The following COL6A1 variants were observed in gnomAD, a reference collection of about 807,000 sequenced individuals.
COL6A1 encodes collagen type VI alpha 1 chain.
Under a neutral mutation model 145.6 loss-of-function variants are expected in COL6A1, and 80 were observed. The observed-to-expected ratio is 0.55, with a 90% confidence interval of 0.46 to 0.66. COL6A1 has a LOEUF of 0.66. Among genes scored for constraint, COL6A1 ranks in the 30% least tolerant of loss-of-function variants. The pLI is 0.00. For synonymous variants in COL6A1, 638 were observed against 622.8 expected, an observed-to-expected ratio of 1.02 and a Z score of -0.36; for missense variants, 1,364 against 1,473.8, an observed-to-expected ratio of 0.93 and a Z score of 1.22.
chr21:45,991,324 A>G (rs1603591385), intron 15 of COL6A1, among the ~76,000 whole-genome samples: 1 of 152,348 alleles, frequency 6.6e-6, no homozygotes, highest in East Asian at 1.9e-4. Context: ...CGCTCGGCAC[A>G]GATGGGACCC....
chr21:45,997,822 GC>G (rs2077814909), intron 22 of COL6A1, 60 bp downstream of exon 22: 1 of 1,525,488 alleles, frequency 6.6e-7, no homozygotes, highest in Non-Finnish European at 8.9e-7. Context: ...GCCCTGGGAA[GC>G]CCCAGCCCCG....
chr21:45,989,788 G>T lies in COL6A1; in HGVS notation c.930+10G>T, dbSNP rs772379034. 11 of 1,612,726 alleles carry T rather than the reference G, an allele frequency of 6.8e-6. No homozygotes were observed. The highest frequency in any genetic ancestry group is 9.3e-6 in the Non-Finnish European group (11 of 1,180,006). Reference sequence around the variant, plus strand: ...GAGCCGTGGGGAGAAGGTGAGTGAGGCTCGACCTCGGAGCTGGTCTCTCCA... The same window carrying T: ...GAGCCGTGGGGAGAAGGTGAGTGAGTCTCGACCTCGGAGCTGGTCTCTCCA... On this transcript the variant is annotated intron_variant, in intron 11 of 34. Coordinates refer to ENST00000361866, the MANE Select transcript of COL6A1 (RefSeq NM_001848.3).
chr21:45,993,171 C>T (rs2742071), intron 19 of COL6A1, among the ~76,000 whole-genome samples: 20,024 of 152,324 alleles, frequency 0.13, 1,326 homozygotes, highest in South Asian at 0.15. Context: ...GCTAGGCCTG[C>T]AGGGCGCCTG....
At position 45,994,204 on chromosome 21, in the gene COL6A1, G is replaced by A. The variant is rs946577836; in HGVS notation, c.1373G>A (p.Gly458Asp). The A allele has an allele frequency of 6.2e-7, 1 of 1,609,354 alleles. No homozygotes were observed. The highest frequency in any genetic ancestry group is 8.5e-7 in the Non-Finnish European group (1 of 1,178,498). Residue 458 changes from glycine to aspartate, a missense_variant, in exon 20 of 35, where the codon GGC (glycine) becomes GAC (aspartate). This residue lies in a region of COL6A1 where 938 missense variants were observed against 1,003.8 expected (regional missense o/e 0.93). Coordinates refer to ENST00000361866, the MANE Select transcript of COL6A1 (RefSeq NM_001848.3). The surrounding 1 kb of genome is among the most constrained non-coding windows in gnomAD (Gnocchi z 6.8). ...AGPQGDQGRE[G>D]PVGVPGDPGE... ...CCGCAGGGTGATCAGGGAAGAGAAGGCCCCGTTGGTGTCCCTGGAGACCCG... is the reference window on the plus strand; with the variant it reads ...CCGCAGGGTGATCAGGGAAGAGAAGACCCCGTTGGTGTCCCTGGAGACCCG...
intron 28 of COL6A1, 87 bp from the exon 29 acceptor site, chr21:46,000,672 G>A: frequency 6.4e-7 from 1 of 1,555,844 alleles, no homozygotes; most frequent in Non-Finnish European, 8.9e-7. Flanking sequence ...CGGGGAGGCG[G>A]GGAGGCTGCC....
chr21:45,989,099 C>G lies in COL6A1; in HGVS notation c.820C>G (p.Pro274Ala). ...DPGFEGERGK[P>A]GLPGEKGEAG... ...TGTGTTCCAGGGAGAACGAGGCAAG[C>G]CGGGGCTCCCAGGAGAGAAGGGAGA... The change falls in exon 9 of 35, where the codon CCG (proline) becomes GCG (alanine). Residue 274 changes from proline to alanine, a missense_variant. Physicochemically the swap from Pro to Ala is conservative, Grantham distance 27 (BLOSUM62 -1). Around this residue, in one of 3 missense-constraint regions of COL6A1, gnomAD observed 414 missense variants for 437.6 expected, o/e 0.95. Transcript: ENST00000361866. 2 of 1,611,468 alleles carry G rather than the reference C, an allele frequency of 1.2e-6. No homozygotes were observed. Among genetic ancestry groups the G allele is most frequent in the Non-Finnish European group, 1.7e-6 (2 of 1,179,026 alleles).
At position 46,000,651 on chromosome 21, in the gene COL6A1, AGGAGGGCGGCCGGGGAG is replaced by A. The variant is rs58200969; in HGVS notation, c.1814-106_1814-90del. On this transcript the variant is annotated intron_variant, in intron 28 of 34. Coordinates refer to ENST00000361866, the MANE Select transcript of COL6A1 (RefSeq NM_001848.3). ...GCCGGGGAAGGGGGGAGGCCGGGGA[AGGAGGGCGGCCGGGGAG>A]GCGGGGAGGCTGCCCCAAGAGTAAA... 0.85 allele frequency: 1,344,505 copies of A among 1,572,614 alleles called. 575,592 individuals carry two copies. The highest frequency in any genetic ancestry group is 0.91 in the Admixed American group (54,302 of 59,786).
intron 2 of COL6A1, among the ~76,000 whole-genome samples, chr21:45,983,233 C>A (rs1283009407): frequency 3.9e-5 from 6 of 152,162 alleles, no homozygotes; most frequent in African/African-American, 1.4e-4. Flanking sequence ...GTCCCCGACT[C>A]GGGAGCCAGG....
At chr21:45,990,878 C>T (rs1384640470) in intron 14 of COL6A1, 52 bp downstream of exon 14, 2 of 1,609,790 alleles carry the variant, frequency 1.2e-6, no homozygotes, top group South Asian at 1.1e-5. Context: ...TCAGCAGCAC[C>T]TCGTGTGGAC....
chr21:45,998,618 C>T (rs558881210), intron 24 of COL6A1, among the ~76,000 whole-genome samples, 185 bp downstream of exon 24: 2 of 152,178 alleles, frequency 1.3e-5, no homozygotes, highest in African/African-American at 2.4e-5. Context: ...GCAGGCCCTG[C>T]GAGGCTCCCA....
Position 46,000,319 on chromosome 21 carries a change from C to T in COL6A1, c.1777-12C>T. 6.2e-7 allele frequency: 1 copy of T among 1,613,936 alleles called. No homozygotes were observed. Among genetic ancestry groups the T allele is most frequent in the Non-Finnish European group, 8.5e-7 (1 of 1,179,880 alleles). On this transcript the variant is annotated splice_polypyrimidine_tract_variant and intron_variant, in intron 27 of 34. Transcript: ENST00000361866. ...GTCTATGGCCCCAGTACCCTCGTCT[C>T]TCCCTCCCCAGGAATGCGAGATTTT...
intron 34 of COL6A1, 77 bp from the exon 35 acceptor site, chr21:46,003,314 T>C (rs1465881572): frequency 1.9e-6 from 3 of 1,602,474 alleles, no homozygotes; most frequent in East Asian, 4.5e-5. Context: ...TCTGGGGAGC[T>C]TAGACGCTCT....
At chr21:45,985,537 C>T (rs764268463) in intron 3 of COL6A1, among the ~76,000 whole-genome samples, 11 of 152,206 alleles carry the variant, frequency 7.2e-5, no homozygotes, top group Admixed American at 5.2e-4. Context: ...CCGAAGCATG[C>T]GCTTTCTCGG....
rs758494632 is a variant in COL6A1 at position 46,004,720 on chromosome 21, C to T, written c.*707C>T. 40 of 453,068 alleles carry T rather than the reference C, an allele frequency of 8.8e-5. No homozygotes were observed. The highest frequency in any genetic ancestry group is 4.0e-4 in the Admixed American group (17 of 42,386). The allele number at this position is 453,068 out of a possible 1,614,324, so 28.1% of individuals were successfully genotyped here. On this transcript the variant is annotated 3_prime_UTR_variant, in exon 35 of 35. Transcript: ENST00000361866. ...ACCTTGGCCCTACAGCCCTGGAGGC[C>T]GCTGCTGACCAGCACTGACCCCGAC...
At chr21:45,993,592 G>A (rs1265361190) in intron 19 of COL6A1, among the ~76,000 whole-genome samples, 1 of 152,254 alleles carries the variant, frequency 6.6e-6, no homozygotes, top group Admixed American at 6.5e-5. Flanking sequence ...CCAGAGAGCT[G>A]AGCCGGGGCC....
At chr21:45,997,286 C>G in intron 20 of COL6A1, 135 bp from the exon 21 acceptor site, 1 of 828,176 alleles carries the variant, frequency 1.2e-6, no homozygotes, top group Non-Finnish European at 2.1e-6. Flanking sequence ...CTGGCTCTCC[C>G]CCTGCACTGA....
intron 22 of COL6A1, 50 bp downstream of exon 22, chr21:45,997,812 G>T (rs1048286966): frequency 6.5e-7 from 1 of 1,538,044 alleles, no homozygotes; most frequent in African/African-American, 1.4e-5. Context: ...GCCGCCAGAG[G>T]CCCTGGGAAG....
At position 46,003,993 on chromosome 21, in the gene COL6A1, A is replaced by G; in HGVS notation, c.3067A>G (p.Arg1023Gly). The G allele has an allele frequency of 6.2e-7, 1 of 1,613,130 alleles. No individual in the cohort carries two copies. Among genetic ancestry groups the G allele is most frequent in the Non-Finnish European group, 8.5e-7 (1 of 1,180,010 alleles). ...CGGTGTCTTCCACCAGACAGTCTCCAGGAAGGTGGCGCTGGGCTAGCCCAC... is the reference window on the plus strand; with the variant it reads ...CGGTGTCTTCCACCAGACAGTCTCCGGGAAGGTGGCGCTGGGCTAGCCCAC... The part of the protein sequence containing the change: ...LRGVFHQTVS[R>G]KVALG The change falls in exon 35 of 35, where the codon AGG becomes GGG. Residue 1023 changes from arginine (R) to glycine (G), a missense_variant. By Grantham distance (125) the Arg-to-Gly change is moderately radical. Around this residue, in one of 3 missense-constraint regions of COL6A1, gnomAD observed 938 missense variants for 1,003.8 expected, o/e 0.93. Coordinates refer to ENST00000361866, the MANE Select transcript of COL6A1 (RefSeq NM_001848.3).
chr21:45,986,532 C>T lies in COL6A1; in HGVS notation c.435C>T (p.Ser145=). The change falls in exon 4 of 35, where the codon TCC becomes TCT. Residue 145 remains serine (S), a synonymous_variant. Coordinates refer to ENST00000361866, the MANE Select transcript of COL6A1 (RefSeq NM_001848.3). ...GCTGCCCTCTCCTGTCCAGGGGCTC[C>T]CACCTGAAGGAGAATAAGTACCTGA... ...KGLEQLLVGG[S]HLKENKYLIV... 6.4e-7 allele frequency: 1 copy of T among 1,559,530 alleles called. No homozygotes were observed. Among genetic ancestry groups the T allele is most frequent in the Non-Finnish European group, 8.7e-7 (1 of 1,151,818 alleles).
Sources: allele counts gnomAD v4.1 joint callset (sites outside exome capture counted in the v4.1 genomes callset), GRCh38; gene constraint gnomAD v4.1.1; regional missense constraint gnomAD v4.1.1; non-coding constraint Gnocchi (gnomAD v3.1); transcripts MANE v1.5; gene names NCBI Gene and HGNC (gene_info 2026-07-23, HGNC 2026-07-21).